The following PTGER3 variants were observed in gnomAD, a reference collection of about 807,000 sequenced individuals.
PTGER3 encodes prostaglandin E2 receptor EP3 subtype.
Under a neutral mutation model 34.7 loss-of-function variants are expected in PTGER3, and 22 were observed. The observed-to-expected ratio is 0.63, with a 90% confidence interval of 0.45 to 0.91. The LOEUF (loss-of-function observed/expected upper bound fraction) is 0.91, where lower values mean the gene tolerates loss of function less well. Ranked by LOEUF, PTGER3 falls within the 40% of genes least tolerant of loss-of-function variation. The pLI is 0.00. For synonymous variants in PTGER3, 241 were observed against 230.1 expected, an observed-to-expected ratio of 1.05 and a Z score of -0.43; for missense variants, 468 against 519.4, an observed-to-expected ratio of 0.90 and a Z score of 0.96.
downstream of PTGER3, among the ~76,000 whole-genome samples, chr1:70,949,083 G>A (rs1650497669): frequency 2.6e-5 from 4 of 152,052 alleles, no homozygotes; most frequent in South Asian, 2.1e-4. Flanking sequence ...GGGTAAAGGA[G>A]TGTTGGGAAA....
chr1:70,993,594 G>A (rs991658161), intron 2 of PTGER3, among the ~76,000 whole-genome samples: 1 of 152,174 alleles, frequency 6.6e-6, no homozygotes, highest in Non-Finnish European at 1.5e-5. Flanking sequence ...AGTCTCTGGA[G>A]AGCTCAGAAG....
intron 2 of PTGER3, among the ~76,000 whole-genome samples, chr1:70,975,967 A>G (rs1239590154): frequency 6.6e-6 from 1 of 152,138 alleles, no homozygotes; most frequent in East Asian, 1.9e-4. Context: ...TCTTCCTGCT[A>G]TTATGCTGCT....
At chr1:70,934,794 C>T (rs763741773) in intron 4 of PTGER3, among the ~76,000 whole-genome samples, 2 of 152,082 alleles carry the variant, frequency 1.3e-5, no homozygotes, top group African/African-American at 2.4e-5. Context: ...AAAACACTGT[C>T]CAGATCACCT....
chr1:71,012,634 G>T, intron 1 of PTGER3, 150 bp from the exon 2 acceptor site: 2 of 675,462 alleles, frequency 3.0e-6, no homozygotes, highest in Non-Finnish European at 4.9e-6. Flanking sequence ...GGATAACACA[G>T]TCCTGAATTA....
At chr1:70,898,913 C>T (rs1481097936) in intron 4 of PTGER3, among the ~76,000 whole-genome samples, 2 of 152,004 alleles carry the variant, frequency 1.3e-5, no homozygotes, top group African/African-American at 4.8e-5. Flanking sequence ...GTTTTATGTT[C>T]CTCTTTCTTA....
At chr1:70,934,677 CACA>C (rs1649036478) in intron 4 of PTGER3, among the ~76,000 whole-genome samples, 2 of 152,142 alleles carry the variant, frequency 1.3e-5, no homozygotes, top group Admixed American at 6.6e-5. Flanking sequence ...AGGCCACACA[CACA>C]ACATTACTTT....
At chr1:70,880,396 T>A (rs1371645149) in intron 4 of PTGER3, among the ~76,000 whole-genome samples, 1 of 151,076 alleles carries the variant, frequency 6.6e-6, no homozygotes, top group African/African-American at 2.4e-5. Flanking sequence ...TTTTTTTTTT[T>A]AAGAATGCTG....
In PTGER3 at chr1:70,971,699, T is replaced by A. The variant is rs779572578; in HGVS notation, c.*31A>T. 6 of 1,557,792 alleles carry A rather than the reference T, an allele frequency of 3.9e-6. No individual in the cohort carries two copies. Among genetic ancestry groups the A allele is most frequent in the African/African-American group, 1.4e-5 (1 of 72,642 alleles). ...ATATGCAAATTCAGGGAAGCAGGAA[T>A]TGCAATAAAATGTCCAACTCCGTTC... On this transcript the variant is annotated 3_prime_UTR_variant, in exon 4 of 4. Coordinates refer to ENST00000306666, the MANE Select transcript of PTGER3 (RefSeq NM_198719.2).
intron 4 of PTGER3, among the ~76,000 whole-genome samples, chr1:70,917,187 A>AC (rs1647193221): frequency 6.7e-6 from 1 of 150,128 alleles, no homozygotes; most frequent in Admixed American, 6.7e-5. Flanking sequence ...TCCCCCTGCA[A>AC]CCCCCGCTTT....
rs1301592259 is a variant in PTGER3 at position 70,971,342 on chromosome 1, C to T, written c.*388G>A. ...TAAGCTTATACTGATTTTTCAAACT[C>T]ATATTGCAAAAGCAAGCTATCATGA... On this transcript the variant is annotated 3_prime_UTR_variant, in exon 4 of 4. Transcript: ENST00000306666. The T allele has an allele frequency of 3.0e-6, 3 of 997,788 alleles. No individual in the cohort carries two copies. Among genetic ancestry groups the T allele is most frequent in the South Asian group, 4.7e-5 (1 of 21,490 alleles). 61.8% of individuals were successfully genotyped at this position (997,788 alleles called of 1,614,324 possible). A position where few individuals can be genotyped will look rare whatever the true frequency, so the allele number is the denominator to read the frequency against.
At chr1:70,862,796 A>G (rs1402547430) in intron 4 of PTGER3, among the ~76,000 whole-genome samples, 1 of 152,198 alleles carries the variant, frequency 6.6e-6, no homozygotes, top group Non-Finnish European at 1.5e-5. Context: ...AGGATGGATC[A>G]GGAAGGGCTT....
intron 4 of PTGER3, among the ~76,000 whole-genome samples, chr1:70,905,011 T>G (rs554507532): frequency 6.6e-6 from 1 of 152,274 alleles, no homozygotes; most frequent in African/African-American, 2.4e-5. Context: ...ACCTAGGGAC[T>G]TGGTGCCCTG....
intron 4 of PTGER3, among the ~76,000 whole-genome samples, chr1:70,854,619 C>A (rs535250628): frequency 6.6e-6 from 1 of 152,260 alleles, no homozygotes; most frequent in South Asian, 2.1e-4. Flanking sequence ...CGGTCTCTAT[C>A]CTGCTGCACC....
chr1:70,966,279 C>G (rs1334055183), downstream of PTGER3, among the ~76,000 whole-genome samples: 1 of 152,226 alleles, frequency 6.6e-6, no homozygotes, highest in African/African-American at 2.4e-5. Flanking sequence ...CTGGCTAAAA[C>G]AAGTTATTTC....
chr1:70,876,052 G>T (rs144874421), intron 4 of PTGER3, among the ~76,000 whole-genome samples: 2 of 152,082 alleles, frequency 1.3e-5, no homozygotes, highest in African/African-American at 4.8e-5. Flanking sequence ...TTACATTCCC[G>T]CCAGCAGTGT....
intron 4 of PTGER3, among the ~76,000 whole-genome samples, chr1:70,931,432 G>C (rs913964115): frequency 6.6e-6 from 1 of 152,198 alleles, no homozygotes; most frequent in Non-Finnish European, 1.5e-5. Flanking sequence ...CTCTGTGTGG[G>C]GGCTCAGACT....
downstream of PTGER3, among the ~76,000 whole-genome samples, chr1:70,951,943 G>A (rs1427303119): frequency 6.6e-6 from 1 of 152,082 alleles, no homozygotes; most frequent in Non-Finnish European, 1.5e-5. Flanking sequence ...AAAATGCTTC[G>A]AGAAAGTACT....
intron 2 of PTGER3, chr1:71,006,514 A>G (rs1317389383): frequency 1.0e-6 from 1 of 984,974 alleles, no homozygotes; most frequent in Non-Finnish European, 1.2e-6. Flanking sequence ...TGTAAATTAC[A>G]CCAAAATCCA....
chr1:70,928,380 T>C (rs1167248660), intron 4 of PTGER3, among the ~76,000 whole-genome samples: 1 of 151,060 alleles, frequency 6.6e-6, no homozygotes, highest in Non-Finnish European at 1.5e-5. Context: ...ATGCTTACAA[T>C]CCCAACTCTT....
Sources: allele counts gnomAD v4.1 joint callset (sites outside exome capture counted in the v4.1 genomes callset), GRCh38; gene constraint gnomAD v4.1.1; transcripts MANE v1.5; gene names NCBI Gene and HGNC (gene_info 2026-07-23, HGNC 2026-07-21).